ARHGAP29: variants seen among roughly 807,000 people sequenced by gnomAD.
ARHGAP29 encodes the protein Rho GTPase activating protein 29.
Under a neutral mutation model 122.6 loss-of-function variants are expected in ARHGAP29, and 43 were observed. The observed-to-expected ratio is 0.35, with a 90% CI of 0.27 to 0.45. The LOEUF (loss-of-function observed/expected upper bound fraction) is 0.45. Among genes scored for constraint, ARHGAP29 ranks in the 20% least tolerant of loss-of-function variants. The pLI is 1.00. For missense variants in ARHGAP29, 1,303 were observed against 1,477.2 expected (o/e 0.88, Z 1.93); for synonymous variants, 506 against 497.1 (o/e 1.02, Z -0.24).
At chr1:94,220,735 A>AT (rs148948594) in intron 2 of ARHGAP29, among the ~76,000 whole-genome samples, 16,564 of 152,100 alleles carry the variant, frequency 0.11, 1,081 homozygotes, top group African/African-American at 0.17. Context: ...ACTATCATAT[A>AT]TTTTTTAACA....
chr1:94,236,252 A>G (rs574123487), intron 1 of ARHGAP29, among the ~76,000 whole-genome samples: 2 of 152,346 alleles, frequency 1.3e-5, no homozygotes, highest in South Asian at 4.1e-4. Flanking sequence ...TCATTTCTGT[A>G]CAGTTTGAAC....
chr1:94,307,924 C>G, the ARHGAP29 span, among the ~76,000 whole-genome samples: 1 of 152,202 alleles, frequency 6.6e-6, no homozygotes, highest in South Asian at 2.1e-4. Context: ...TGTTTCTGTA[C>G]AGTTCTGCCT....
At chr1:94,190,830 G>A (rs755294359) in intron 12 of ARHGAP29, 13 of 152,034 alleles carry the variant, frequency 8.6e-5, no homozygotes, top group African/African-American at 1.7e-4. Flanking sequence ...AACAAATTAC[G>A]TAAATAAAAT....
intron 3 of ARHGAP29, among the ~76,000 whole-genome samples, chr1:94,217,823 T>C (rs1652040202): frequency 6.7e-6 from 1 of 149,206 alleles, no homozygotes; most frequent in African/African-American, 2.5e-5. Flanking sequence ...CACTGCAGCC[T>C]GGGCAACAGA....
Position 94,188,932 on chromosome 1 carries a change from A to C in ARHGAP29, c.1586T>G (p.Phe529Cys), listed in dbSNP as rs1376150424. ...SNSADITGPSFIRSWTFGMFS... is the reference protein window; with the variant it reads ...SNSADITGPSCIRSWTFGMFS... ...CATCCCAAATGTCCATGATCTTATAAAGGAAGGACCTTTAATAAAAAGAAT... is the reference window on the plus strand; with the variant it reads ...CATCCCAAATGTCCATGATCTTATACAGGAAGGACCTTTAATAAAAAGAAT... The change falls in exon 15 of 23, where the codon TTT becomes TGT. Residue 529 changes from phenylalanine to cysteine, a missense_variant. Coordinates refer to ENST00000260526, the MANE Select transcript of ARHGAP29 (RefSeq NM_004815.4). The C allele has an allele frequency of 6.2e-7, 1 of 1,612,712 alleles. No homozygotes were observed. Among genetic ancestry groups the C allele is most frequent in the Non-Finnish European group, 8.5e-7 (1 of 1,179,046 alleles).
rs1309933711 is a variant in ARHGAP29 at position 94,174,723 on chromosome 1, C to G, written c.2932G>C (p.Glu978Gln). 6.2e-7 allele frequency: 1 copy of G among 1,613,940 alleles called. No individual in the cohort carries two copies. The highest frequency in any genetic ancestry group is 8.5e-7 in the Non-Finnish European group (1 of 1,179,996). The change falls in exon 23 of 23, where the codon GAG (glutamate) becomes CAG (glutamine). Residue 978 changes from glutamate (E) to glutamine (Q), a missense_variant. Glu to Gln is a conservative substitution (Grantham distance 29, BLOSUM62 2). This residue lies in a region of ARHGAP29 where 620 missense variants were observed against 651.2 expected (regional missense o/e 0.95). Coordinates refer to ENST00000260526, the MANE Select transcript of ARHGAP29 (RefSeq NM_004815.4). ...SDKAQLLLDQ[E>Q]AESASQKIED... Reference sequence around the variant, plus strand: ...ATCTTTTGGGATGCTGATTCAGCCTCTTGGTCTAGAAGCAACTGTGCTTTG... The same window carrying G: ...ATCTTTTGGGATGCTGATTCAGCCTGTTGGTCTAGAAGCAACTGTGCTTTG...
At chr1:94,201,224 A>AT in intron 12 of ARHGAP29, among the ~76,000 whole-genome samples, 1 of 152,298 alleles carries the variant, frequency 6.6e-6, no homozygotes, top group Non-Finnish European at 1.5e-5. Flanking sequence ...CTTAGAGGCA[A>AT]TTTTAAACTC....
At chr1:94,195,036 T>C (rs1383714057) in intron 12 of ARHGAP29, 1 of 152,122 alleles carries the variant, frequency 6.6e-6, no homozygotes, top group Non-Finnish European at 1.5e-5. Flanking sequence ...TAAATGATAA[T>C]TAGAGGGAGA....
rs776627518 is a variant in ARHGAP29 at position 94,173,910 on chromosome 1, G to A, written c.3745C>T (p.Gln1249Ter). Residue 1249 changes from glutamine (Q) to a stop codon, truncating the protein, a stop_gained, in exon 23 of 23, where the codon CAG becomes TAG. Transcript: ENST00000260526. LOFTEE classifies it high-confidence loss of function. ...CQRPRLKRMQQFEDLEGEIPQ... is the reference protein window; with the variant it reads ...CQRPRLKRMQ ...ATTTCACCTTCGAGGTCTTCAAACT[G>A]TTGCATTCGTTTTAGCCTTGGTCTC... is the stretch of plus-strand genomic sequence containing the variant. The A allele has an allele frequency of 6.2e-7, 1 of 1,611,632 alleles. No individual in the cohort carries two copies. Among genetic ancestry groups the A allele is most frequent in the South Asian group, 1.1e-5 (1 of 90,942 alleles).
At chr1:94,276,499 G>A (rs1248216402), upstream of ARHGAP29, among the ~76,000 whole-genome samples, 1 of 151,438 alleles carries the variant, frequency 6.6e-6, no homozygotes, top group African/African-American at 2.4e-5. Context: ...GGGCACAGTG[G>A]TTCACACCTG....
intron 1 of ARHGAP29, among the ~76,000 whole-genome samples, chr1:94,261,507 C>T (rs187949875): frequency 6.6e-6 from 1 of 152,200 alleles, no homozygotes; most frequent in African/African-American, 2.4e-5. Flanking sequence ...CTAGAAAACT[C>T]CATAGTCTTG....
the ARHGAP29 span, among the ~76,000 whole-genome samples, chr1:94,292,886 G>A: frequency 6.6e-6 from 1 of 152,218 alleles, no homozygotes; most frequent in African/African-American, 2.4e-5. Flanking sequence ...CTACTGGGAG[G>A]TGTCTCCCAA....
At position 94,174,631 on chromosome 1, in the gene ARHGAP29, C is replaced by A; in HGVS notation, c.3024G>T (p.Arg1008Ser). 6.2e-7 allele frequency: 1 copy of A among 1,614,018 alleles called. No homozygotes were observed. Among genetic ancestry groups the A allele is most frequent in the Non-Finnish European group, 8.5e-7 (1 of 1,180,016 alleles). Reference protein sequence around the residue: ...KSDRSTNNVERHTPRTKIRPV... With the variant: ...KSDRSTNNVESHTPRTKIRPV... ...GTCTAATCTTGGTCCTTGGAGTATG[C>A]CTCTCCACATTGTTTGTTGACCTAT... The change falls in exon 23 of 23, where the codon AGG becomes AGT. Residue 1008 changes from arginine to serine, a missense_variant. Arg to Ser is a moderately radical substitution (Grantham distance 110). Coordinates refer to ENST00000260526, the MANE Select transcript of ARHGAP29 (RefSeq NM_004815.4).
the ARHGAP29 span, among the ~76,000 whole-genome samples, chr1:94,309,982 G>A: frequency 6.6e-6 from 1 of 152,142 alleles, no homozygotes; most frequent in Non-Finnish European, 1.5e-5. Context: ...AAATAAATAT[G>A]AGTAAACATA....
At chr1:94,195,182 C>T (rs2101465431) in intron 12 of ARHGAP29, 1 of 152,068 alleles carries the variant, frequency 6.6e-6, no homozygotes, top group Non-Finnish European at 1.5e-5. Flanking sequence ...AAGAGTTCTA[C>T]CAAACAAAAT....
At chr1:94,235,286 C>T (rs1287641262) in intron 1 of ARHGAP29, among the ~76,000 whole-genome samples, 1 of 152,136 alleles carries the variant, frequency 6.6e-6, no homozygotes, top group Non-Finnish European at 1.5e-5. Context: ...TGGAACAATA[C>T]ACACTTTCCA....
At chr1:94,184,022 T>C (rs986115959) in intron 19 of ARHGAP29, 129 bp downstream of exon 19, 2 of 1,008,892 alleles carry the variant, frequency 2.0e-6, no homozygotes, top group Non-Finnish European at 3.0e-6. Context: ...TATGCACTAA[T>C]CATTAGCAAG....
the ARHGAP29 span, among the ~76,000 whole-genome samples, chr1:94,293,949 C>T: frequency 2.6e-5 from 4 of 152,194 alleles, no homozygotes; most frequent in Non-Finnish European, 4.4e-5. Flanking sequence ...TGTCCCAATC[C>T]TCTAATCATG....
At chr1:94,284,166 A>G in the ARHGAP29 span, among the ~76,000 whole-genome samples, 1 of 152,016 alleles carries the variant, frequency 6.6e-6, no homozygotes, top group Non-Finnish European at 1.5e-5. Context: ...AAAAAATTCA[A>G]AGGAAGGGAG....
Sources: allele counts gnomAD v4.1 joint callset (sites outside exome capture counted in the v4.1 genomes callset), GRCh38; gene constraint gnomAD v4.1.1; regional missense constraint gnomAD v4.1.1; transcripts MANE v1.5; gene names NCBI Gene and HGNC (gene_info 2026-07-23, HGNC 2026-07-21).